Variants in C5 observed in about 807,000 individuals in gnomAD.
C5 encodes C3 and PZP-like alpha-2-macroglobulin domain-containing protein 4.
Under a neutral mutation model 218.8 loss-of-function variants are expected in C5, and 140 were observed. The ratio of observed to expected loss-of-function variants is 0.64; its 90% CI spans 0.56 to 0.74. The LOEUF (loss-of-function observed/expected upper bound fraction) is 0.74. Ranked by LOEUF, C5 falls within the 30% of genes least tolerant of loss-of-function variation. The pLI is 0.00. For synonymous variants in C5, 614 were observed against 682.3 expected, an observed-to-expected ratio of 0.90 and a Z score of 1.56; for missense variants, 1,700 against 1,969.6, an observed-to-expected ratio of 0.86 and a Z score of 2.59.
intron 31 of C5, among the ~76,000 whole-genome samples, chr9:120,971,171 C>CA (rs1156915974): frequency 0.014 from 826 of 57,276 alleles, 8 homozygotes; most frequent in East Asian, 0.064. Context: ...GACTCCATCT[C>CA]AAAAAAAAAA....
chr9:120,990,520 C>T (rs571153562), intron 23 of C5, among the ~76,000 whole-genome samples: 4 of 152,126 alleles, frequency 2.6e-5, no homozygotes, highest in Non-Finnish European at 5.9e-5. Context: ...TATGATGGCT[C>T]CACCCTAATG....
In C5 at chr9:120,989,754, C is replaced by T. The variant is rs768854228; in HGVS notation, c.2968G>A (p.Ala990Thr). 19 of 1,613,892 alleles carry T rather than the reference C, an allele frequency of 1.2e-5. 1 individual carries two copies. In the South Asian group the frequency reaches 2.0e-4, roughly 17 times the overall value. ...KGLLVGEILS[A>T]VLSQEGINIL... The stretch of plus-strand genomic sequence containing the variant: ...TTGATGCCTTCCTGACTTAGAACTG[C>T]AGACAAGATCTCACCTACAAGCAGT... The change falls in exon 24 of 41, where the codon GCA (alanine) becomes ACA (threonine). Residue 990 changes from alanine to threonine, a missense_variant. Transcript: ENST00000223642.
rs757689015 is a variant in C5, at chr9:121,006,993, T to C, written c.2349-16A>G. ...CAACTGTTTTCTGGAAGTTAAAATG[T>C]TGATATTCAAATACAGTGGAATATT... On this transcript the variant is annotated splice_polypyrimidine_tract_variant and intron_variant, in intron 18 of 40. Transcript: ENST00000223642. The C allele has an allele frequency of 7.0e-6, 11 of 1,578,808 alleles. No homozygotes were observed. Among genetic ancestry groups the C allele is most frequent in the Admixed American group, 6.7e-5 (4 of 59,980 alleles).
intron 12 of C5, among the ~76,000 whole-genome samples, chr9:121,018,119 G>A (rs1162119352): frequency 6.6e-6 from 1 of 151,666 alleles, no homozygotes; most frequent in Non-Finnish European, 1.5e-5. Flanking sequence ...CAGGCATGGT[G>A]GTGCATGACT....
chr9:120,991,317 C>G, intron 22 of C5, 37 bp from the exon 23 acceptor site: 1 of 1,111,790 alleles, frequency 9.0e-7, no homozygotes, highest in East Asian at 2.4e-5. Flanking sequence ...ACAGAGTTTC[C>G]AGGGGAAGAC....
chr9:120,965,628 C>T (rs1387247829), intron 33 of C5, among the ~76,000 whole-genome samples: 2 of 152,222 alleles, frequency 1.3e-5, no homozygotes, highest in Middle Eastern at 3.4e-3. Context: ...ATTCTAAAAT[C>T]TCTGACTCAT....
intron 2 of C5, among the ~76,000 whole-genome samples, chr9:121,044,979 T>C (rs1031472682): frequency 2.0e-5 from 3 of 148,782 alleles, no homozygotes; most frequent in Admixed American, 6.7e-5. Context: ...AGATGGAGTC[T>C]CACTCTGTTG....
the C5 span, among the ~76,000 whole-genome samples, chr9:121,063,081 C>T: frequency 1.3e-4 from 20 of 151,604 alleles, no homozygotes; most frequent in African/African-American, 3.4e-4. Flanking sequence ...CTCTCTCTCT[C>T]GTCTCCTTCT....
chr9:121,025,391 C>A, intron 9 of C5, 63 bp downstream of exon 9: 4 of 1,403,818 alleles, frequency 2.8e-6, no homozygotes, highest in South Asian at 3.0e-5. Flanking sequence ...CTTTAATATT[C>A]TGTCTAAATA....
intron 1 of C5, among the ~76,000 whole-genome samples, chr9:121,048,952 A>AT (rs1564167383): frequency 6.6e-6 from 1 of 151,888 alleles, no homozygotes; most frequent in African/African-American, 2.4e-5. Context: ...ACTCTGCTTT[A>AT]TTTTTTTCTT....
chr9:121,021,742 T>C (rs1178697705), intron 10 of C5, 48 bp from the exon 11 acceptor site: 1 of 1,397,858 alleles, frequency 7.2e-7, no homozygotes, highest in Non-Finnish European at 1.0e-6. Context: ...CATCACTTAT[T>C]TTAAAGCACA....
intron 4 of C5, among the ~76,000 whole-genome samples, chr9:121,035,313 A>C (rs886552293): frequency 1.3e-5 from 2 of 152,256 alleles, no homozygotes; most frequent in East Asian, 3.8e-4. Context: ...TTCAAAAGCA[A>C]ATATTCTATG....
chr9:121,048,822 A>C (rs1374672026), intron 1 of C5, among the ~76,000 whole-genome samples: 1 of 152,174 alleles, frequency 6.6e-6, no homozygotes, highest in Non-Finnish European at 1.5e-5. Context: ...TCTTTCCTCA[A>C]ATATTTGCAT....
chr9:121,044,004 T>C (rs904316216), intron 2 of C5, among the ~76,000 whole-genome samples: 4 of 152,176 alleles, frequency 2.6e-5, no homozygotes, highest in Admixed American at 2.6e-4. Context: ...AGTGTATCTA[T>C]GAAAAATTAG....
intron 2 of C5, among the ~76,000 whole-genome samples, chr9:121,044,272 C>T (rs113302869): frequency 6.6e-6 from 1 of 152,030 alleles, no homozygotes; most frequent in African/African-American, 2.4e-5. Flanking sequence ...GTCAGGAGTT[C>T]GAGACCATCC....
intron 23 of C5, among the ~76,000 whole-genome samples, chr9:120,990,716 G>A (rs986757333): frequency 1.3e-5 from 2 of 152,188 alleles, no homozygotes; most frequent in Non-Finnish European, 2.9e-5. Context: ...CTCCAGAACT[G>A]TGAGAAATAA....
At chr9:121,042,377 A>G in intron 3 of C5, among the ~76,000 whole-genome samples, 1 of 152,226 alleles carries the variant, frequency 6.6e-6, no homozygotes, top group East Asian at 1.9e-4. Flanking sequence ...TCTAACAGTA[A>G]CTTTCTTAGG....
At chr9:120,990,960 T>A (rs1001673943) in intron 23 of C5, among the ~76,000 whole-genome samples, 1 of 152,128 alleles carries the variant, frequency 6.6e-6, no homozygotes, top group African/African-American at 2.4e-5. Context: ...GTCCCTACCT[T>A]CCATTGGAGG....
chr9:121,013,547 C>G (rs2047280672), intron 17 of C5, among the ~76,000 whole-genome samples: 1 of 152,048 alleles, frequency 6.6e-6, no homozygotes, highest in Admixed American at 6.6e-5. Context: ...AAAGCGTAGA[C>G]TTGTAGAACT....
Sources: allele counts gnomAD v4.1 joint callset (sites outside exome capture counted in the v4.1 genomes callset), GRCh38; gene constraint gnomAD v4.1.1; transcripts MANE v1.5; gene names NCBI Gene and HGNC (gene_info 2026-07-23, HGNC 2026-07-21).